The following USP45 variants were observed in gnomAD, a reference collection of about 807,000 sequenced individuals.
USP45 encodes ubiquitin carboxyl-terminal hydrolase 45.
A neutral mutation model predicts 95.8 loss-of-function variants in USP45; 89 were observed. That is an observed-to-expected ratio of 0.93 (90% CI 0.78 to 1.11). The LOEUF is 1.11. USP45 is among the 50% of genes least tolerant of loss of function. USP45 has a pLI of 0.00. For missense variants in USP45, 898 were observed against 942.5 expected (o/e 0.95, Z 0.62); for synonymous variants, 281 against 316.2 (o/e 0.89, Z 1.18).
intron 7 of USP45, among the ~76,000 whole-genome samples, chr6:99,485,175 C>CAAAAA (rs1190400783): frequency 5.4e-4 from 48 of 88,692 alleles, no homozygotes; most frequent in East Asian, 3.3e-3. Context: ...ACTAAAAATA[C>CAAAAA]AAAAAAAAAA....
intron 13 of USP45, 45 bp from the exon 14 acceptor site, chr6:99,446,508 A>G (rs761411849): frequency 8.9e-5 from 134 of 1,500,818 alleles, no homozygotes; most frequent in East Asian, 6.1e-4. Context: ...TTGTAACCTC[A>G]TTGAAAATAA....
chr6:99,444,652 C>G (rs1782146020), intron 14 of USP45, among the ~76,000 whole-genome samples: 1 of 152,160 alleles, frequency 6.6e-6, no homozygotes, highest in South Asian at 2.1e-4. Flanking sequence ...TAACTAGAGA[C>G]AGCTCCTATA....
chr6:99,466,291 AT>A (rs1007179407), intron 11 of USP45, among the ~76,000 whole-genome samples: 5 of 152,134 alleles, frequency 3.3e-5, no homozygotes, highest in African/African-American at 1.2e-4. Context: ...AAGTACTGGG[AT>A]TATAGGCATG....
intron 5 of USP45, among the ~76,000 whole-genome samples, chr6:99,501,503 A>G (rs771564545): frequency 1.5e-4 from 23 of 152,298 alleles, no homozygotes; most frequent in Admixed American, 3.9e-4. Context: ...TGTGACTACT[A>G]TATTATTAGC....
intron 13 of USP45, among the ~76,000 whole-genome samples, chr6:99,463,666 G>T (rs921742511): frequency 6.6e-6 from 1 of 151,496 alleles, no homozygotes; most frequent in African/African-American, 2.4e-5. Context: ...ACAAAAATTA[G>T]CCGGGTGTGG....
At chr6:99,479,766 G>A (rs1416559219) in intron 8 of USP45, among the ~76,000 whole-genome samples, 2 of 152,154 alleles carry the variant, frequency 1.3e-5, no homozygotes, top group African/African-American at 2.4e-5. Context: ...TCACACTTAC[G>A]TGTGAAAGAC....
intron 1 of USP45, among the ~76,000 whole-genome samples, chr6:99,514,029 T>C (rs1357065362): frequency 6.6e-6 from 1 of 152,160 alleles, no homozygotes; most frequent in African/African-American, 2.4e-5. Flanking sequence ...AAACGGCACT[T>C]ATATCCCTTA....
chr6:99,455,819 TAAAAAAAAAAAAA>T (rs35285232), intron 13 of USP45, among the ~76,000 whole-genome samples: 1 of 44,338 alleles, frequency 2.3e-5, no homozygotes, highest in South Asian at 1.5e-3. Context: ...ATGTGAGAGC[TAAAAAAAAAAAAA>T]AAAAAAAAAA....
intron 1 of USP45, among the ~76,000 whole-genome samples, chr6:99,511,721 G>A (rs1799848042): frequency 6.6e-6 from 1 of 151,940 alleles, no homozygotes; most frequent in African/African-American, 2.4e-5. Flanking sequence ...CCAAACTGCT[G>A]GGATTACAGG....
chr6:99,501,944 A>C (rs1441789372), intron 5 of USP45: 1 of 1,300,846 alleles, frequency 7.7e-7, no homozygotes, highest in African/African-American at 1.5e-5. Flanking sequence ...TTATATCAAC[A>C]AACTGACTCA....
At chr6:99,474,055 T>C (rs942375912) in intron 9 of USP45, among the ~76,000 whole-genome samples, 1 of 152,262 alleles carries the variant, frequency 6.6e-6, no homozygotes, top group South Asian at 2.1e-4. Context: ...TTGTGATACA[T>C]GATGTTTTAT....
chr6:99,446,550 T>C (rs1206673089), intron 13 of USP45, 87 bp from the exon 14 acceptor site: 2 of 1,202,398 alleles, frequency 1.7e-6, no homozygotes, highest in East Asian at 2.5e-5. Context: ...ATCATAGTTA[T>C]TAAATACCAT....
chr6:99,509,906 C>A (rs2128812921), intron 2 of USP45, among the ~76,000 whole-genome samples: 1 of 152,260 alleles, frequency 6.6e-6, no homozygotes, highest in African/African-American at 2.4e-5. Flanking sequence ...ATACTCAAGT[C>A]CCGCAGTGGG....
At chr6:99,514,579 A>G (rs1583525759) in intron 1 of USP45, among the ~76,000 whole-genome samples, 1 of 152,124 alleles carries the variant, frequency 6.6e-6, no homozygotes, top group East Asian at 1.9e-4. Flanking sequence ...ATCACTTAAC[A>G]CTTGTCTTTT....
chr6:99,479,612 A>AAC (rs1278402706), intron 8 of USP45, among the ~76,000 whole-genome samples: 1 of 151,832 alleles, frequency 6.6e-6, no homozygotes, highest in Non-Finnish European at 1.5e-5. Context: ...AAAAAAAAAA[A>AAC]AAAAAAAGAT....
At position 99,446,041 on chromosome 6, in the gene USP45, TTCTC is replaced by T. The variant is rs768331820; in HGVS notation, c.1727_1730del (p.Arg576LysfsTer5). Reference sequence around the variant, plus strand: ...TATTTGAAATATTTAGTGGCTGATTTTCTCTGTCAAAATCTTGATCTCCAGTTAC... The same window carrying T: ...TATTTGAAATATTTAGTGGCTGATTTTGTCAAAATCTTGATCTCCAGTTAC... On this transcript the variant is annotated frameshift_variant, in exon 14 of 18. Transcript: ENST00000500704. LOFTEE classifies it high-confidence loss of function. The T allele has an allele frequency of 5.6e-6, 9 of 1,613,970 alleles. No individual in the cohort carries two copies. The African/African-American group carries it at 1.2e-4, about 22-fold the overall frequency.
chr6:99,482,991 A>G (rs1331417530), intron 7 of USP45, 108 bp from the exon 8 acceptor site: 7 of 916,694 alleles, frequency 7.6e-6, no homozygotes, highest in South Asian at 4.8e-5. Context: ...AATTGCCTCA[A>G]TTGTATTAAG....
upstream of USP45, among the ~76,000 whole-genome samples, chr6:99,517,346 A>T (rs1265189490): frequency 6.6e-6 from 1 of 152,164 alleles, no homozygotes; most frequent in Admixed American, 6.5e-5. Context: ...TAAATTTACC[A>T]TCATGTTCTG....
At chr6:99,467,218 T>C (rs1389329660) in intron 10 of USP45, among the ~76,000 whole-genome samples, 2 of 152,148 alleles carry the variant, frequency 1.3e-5, no homozygotes, top group Non-Finnish European at 2.9e-5. Context: ...GTTATATTTT[T>C]AAAAGTTAAA....
Sources: gnomAD v4.1 joint callset for allele counts (sites outside exome capture counted in the v4.1 genomes callset) on GRCh38, gnomAD v4.1.1 for gene constraint, MANE v1.5 for transcripts, NCBI Gene and HGNC (gene_info 2026-07-23, HGNC 2026-07-21) for gene names.